CDH22: variants seen among roughly 807,000 people sequenced by gnomAD.
CDH22 encodes cadherin-22.
A neutral mutation model predicts 58.4 loss-of-function variants in CDH22; 30 were observed. The observed-to-expected ratio is 0.51, with a 90% confidence interval of 0.38 to 0.70. The LOEUF is 0.70. Ranked by LOEUF, CDH22 falls within the 30% of genes least tolerant of loss-of-function variation. CDH22 has a pLI of 0.00. For missense variants in CDH22, 1,014 were observed against 1,233.9 expected (o/e 0.82, Z 2.67); for synonymous variants, 513 against 558.2 (o/e 0.92, Z 1.14).
chr20:46,197,781 A>G (rs1467108018), intron 8 of CDH22, among the ~76,000 whole-genome samples: 2 of 152,160 alleles, frequency 1.3e-5, no homozygotes, highest in African/African-American at 2.4e-5. Context: ...CCAGCTTTGT[A>G]TTTCCTTTTA....
In CDH22 at chr20:46,237,248, G is replaced by A. The variant is rs142664647; in HGVS notation, c.550+3715C>T. On this transcript the variant is annotated intron_variant, in intron 3 of 11. Transcript: ENST00000537909. ...CAGGCGTCCTGACTATCAACTCAGG[G>A]CCCACTTGGCTGCATCAGGCTTAAC... Among the ~76,000 whole-genome samples, 313 of 152,280 alleles carry A rather than the reference G, an allele frequency of 2.1e-3. 1 individual carries two copies. Among genetic ancestry groups the A allele is most frequent in the Non-Finnish European group, 3.5e-3 (238 of 68,024 alleles).
chr20:46,176,239 C>T (rs1228732458), intron 11 of CDH22, among the ~76,000 whole-genome samples: 1 of 152,192 alleles, frequency 6.6e-6, no homozygotes, highest in African/African-American at 2.4e-5. Flanking sequence ...CATTTAGAAA[C>T]TGACAATCCC....
At chr20:46,188,051 C>T (rs1003934472) in intron 8 of CDH22, among the ~76,000 whole-genome samples, 6 of 152,198 alleles carry the variant, frequency 3.9e-5, no homozygotes, top group African/African-American at 1.4e-4. Context: ...ATCATGGTCC[C>T]TGTCTTATTT....
chr20:46,181,415 A>T (rs2085783024), intron 10 of CDH22, among the ~76,000 whole-genome samples: 1 of 152,140 alleles, frequency 6.6e-6, no homozygotes, highest in African/African-American at 2.4e-5. Flanking sequence ...AGGTTGGAAG[A>T]AGCATAACAC....
rs527489445 is a variant in CDH22 at position 46,278,784 on chromosome 20, C to T, written c.-399-27091G>A. The stretch of plus-strand genomic sequence containing the variant: ...TTTTGGGGGGATAGAGATGGGGTCT[C>T]ACTATGTTGCCCAGGCTGGTCTTGA... On this transcript the variant is annotated intron_variant, in intron 1 of 11. Transcript: ENST00000537909. 6.0e-4 allele frequency among the ~76,000 whole-genome samples: 92 copies of T among 152,262 alleles called. 1 individual carries two copies. Among genetic ancestry groups the T allele is most frequent in the African/African-American group, 2.1e-3 (89 of 41,544 alleles).
At chr20:46,277,642 G>T (rs1009483717) in intron 1 of CDH22, among the ~76,000 whole-genome samples, 4 of 152,228 alleles carry the variant, frequency 2.6e-5, no homozygotes, top group Non-Finnish European at 5.9e-5. Context: ...GGAAATCAGA[G>T]GGGGGTGAGT....
rs1600680648 is a variant in CDH22, at chr20:46,174,251, A to C, written c.*255T>G. The C allele has an allele frequency of 8.4e-6, 4 of 474,272 alleles. No individual in the cohort carries two copies. The South Asian group carries it at 1.4e-4, about 17-fold the overall frequency. 29.4% of individuals were successfully genotyped at this position (474,272 alleles called of 1,614,324 possible). A position where few individuals can be genotyped will look rare whatever the true frequency, so the allele number is the denominator to read the frequency against. ...CACCCCCATCTCCCATTCTAACCCC[A>C]GAGCCACACCGTGCCCGGTCTCGCC... On this transcript the variant is annotated 3_prime_UTR_variant, in exon 12 of 12. Transcript: ENST00000537909. This position sits in a 1 kb window ranked among gnomAD's most constrained non-coding sequence, Gnocchi z 4.4.
At chr20:46,184,442 C>T (rs553931005) in intron 10 of CDH22, among the ~76,000 whole-genome samples, 3 of 152,246 alleles carry the variant, frequency 2.0e-5, no homozygotes, top group South Asian at 2.1e-4. Context: ...CAAACACCTA[C>T]GATATGCCAA....
Position 46,251,556 on chromosome 20 carries a change from C to G in CDH22, c.-262G>C. On this transcript the variant is annotated 5_prime_UTR_variant, in exon 2 of 12. Coordinates refer to ENST00000537909, the MANE Select transcript of CDH22 (RefSeq NM_021248.3). This position sits in a 1 kb window ranked among gnomAD's most constrained non-coding sequence, Gnocchi z 6.7. ...GGGTGCCCGCCCGCGCCCCCGTCGC[C>G]GCGTCGCGTGCGGATCACCAGGCAG... 1 of 281,448 alleles carries G rather than the reference C, an allele frequency of 3.6e-6. No individual in the cohort carries two copies. The highest frequency in any genetic ancestry group is 6.5e-6 in the Non-Finnish European group (1 of 153,274). 17.4% of individuals were successfully genotyped at this position (281,448 alleles called of 1,614,324 possible).
At chr20:46,299,097 A>C (rs1275344589) in intron 1 of CDH22, among the ~76,000 whole-genome samples, 3 of 152,142 alleles carry the variant, frequency 2.0e-5, no homozygotes, top group African/African-American at 7.2e-5. Context: ...TACTGCTTAC[A>C]TTCCTCAGCC....
chr20:46,184,011 G>A (rs1198591848), intron 10 of CDH22, among the ~76,000 whole-genome samples: 1 of 151,782 alleles, frequency 6.6e-6, no homozygotes. Flanking sequence ...TATCCTTTAG[G>A]TCCCTTCTCA....
intron 1 of CDH22, among the ~76,000 whole-genome samples, chr20:46,253,728 C>A (rs796141211): frequency 6.6e-6 from 1 of 152,174 alleles, no homozygotes; most frequent in South Asian, 2.1e-4. Flanking sequence ...GGCTTCCCTG[C>A]GTGCCCCATG....
intron 1 of CDH22, among the ~76,000 whole-genome samples, chr20:46,255,903 G>A (rs1234505764): frequency 1.3e-5 from 2 of 152,136 alleles, no homozygotes; most frequent in Non-Finnish European, 2.9e-5. Context: ...TGGTCCTCAG[G>A]TCTCAGCCTA....
At position 46,180,926 on chromosome 20, in the gene CDH22, TTGTGTGTG is replaced by T. The variant is rs11471209; in HGVS notation, c.1664-2737_1664-2730del. ...TTTTTTTTAATTTTTAAAGTTTGTTTTGTGTGTGTGTGTGTGTGTGTGTGTGTGTGTGT... is the reference window on the plus strand; with the variant it reads ...TTTTTTTTAATTTTTAAAGTTTGTTTTGTGTGTGTGTGTGTGTGTGTGTGT... On this transcript the variant is annotated intron_variant, in intron 10 of 11. Coordinates refer to ENST00000537909, the MANE Select transcript of CDH22 (RefSeq NM_021248.3). Among the ~76,000 whole-genome samples the T allele has an allele frequency of 2.9e-3, 419 of 142,590 alleles. 4 individuals are homozygous for T. The highest frequency in any genetic ancestry group is 0.01 in the African/African-American group (389 of 37,916). The allele number at this position is 142,590 out of a possible 152,430, so 93.5% of individuals were successfully genotyped here.
chr20:46,294,580 G>T (rs1045996380), intron 1 of CDH22, among the ~76,000 whole-genome samples: 1 of 152,188 alleles, frequency 6.6e-6, no homozygotes, highest in African/African-American at 2.4e-5. Flanking sequence ...ACAACCCCGG[G>T]AAATGGCTGC....
chr20:46,210,389 C>T lies in CDH22; in HGVS notation c.1204G>A (p.Glu402Lys), dbSNP rs984381104. ...PEFRPPSGLLEVQEDAQVGSL... is the reference protein window; with the variant it reads ...PEFRPPSGLLKVQEDAQVGSL... ...CCCACCTGCGCGTCCTCCTGCACCT[C>T]CAGGAGGCCGGAGGGCGGCCGGAAC... The change falls in exon 7 of 12, where the codon GAG becomes AAG. Residue 402 changes from glutamate (E) to lysine (K), a missense_variant. Glu to Lys is a moderately conservative substitution (Grantham distance 56, BLOSUM62 1). Coordinates refer to ENST00000537909, the MANE Select transcript of CDH22 (RefSeq NM_021248.3). This position sits in a 1 kb window ranked among gnomAD's most constrained non-coding sequence, Gnocchi z 4.5. 1 of 1,473,474 alleles carries T rather than the reference C, an allele frequency of 6.8e-7. No homozygotes were observed. The highest frequency in any genetic ancestry group is 9.0e-7 in the Non-Finnish European group (1 of 1,114,374). 91.3% of individuals were successfully genotyped at this position (1,473,474 alleles called of 1,614,324 possible).
chr20:46,227,393 G>A, intron 4 of CDH22, 115 bp downstream of exon 4: 1 of 1,043,132 alleles, frequency 9.6e-7, no homozygotes, highest in South Asian at 1.5e-5. Context: ...CCCCTGTGCT[G>A]TCCTCAGAGC....
chr20:46,271,675 C>T (rs983672483), intron 1 of CDH22, among the ~76,000 whole-genome samples: 1 of 152,120 alleles, frequency 6.6e-6, no homozygotes, highest in African/African-American at 2.4e-5. Flanking sequence ...TTTTACTTGG[C>T]TCTCAGCAGC....
intron 1 of CDH22, among the ~76,000 whole-genome samples, chr20:46,286,202 C>G (rs909014314): frequency 6.6e-6 from 1 of 152,086 alleles, no homozygotes; most frequent in African/African-American, 2.4e-5. Flanking sequence ...TTCTCTTACT[C>G]AAAGAGAAGA....
Sources: gnomAD v4.1 joint callset for allele counts (sites outside exome capture counted in the v4.1 genomes callset) on GRCh38, gnomAD v4.1.1 for gene constraint, Gnocchi (gnomAD v3.1) non-coding constraint, MANE v1.5 for transcripts, NCBI Gene and HGNC (gene_info 2026-07-23, HGNC 2026-07-21) for gene names.